Variants in ITGAM observed in about 807,000 individuals in gnomAD.
ITGAM encodes the protein integrin alpha-M.
ITGAM carries 79 observed loss-of-function variants against 137.5 expected under a neutral mutation model. The ratio of observed to expected loss-of-function variants is 0.57; its 90% CI spans 0.48 to 0.69. The LOEUF is 0.69. Among genes scored for constraint, ITGAM ranks in the 30% least tolerant of loss-of-function variants. ITGAM has a pLI of 0.00. For synonymous variants in ITGAM, 583 were observed against 592.3 expected (o/e 0.98, Z 0.23); for missense variants, 1,343 against 1,483.5 (o/e 0.91, Z 1.56).
At chr16:31,282,084 C>T (rs545730175) in intron 12 of ITGAM, among the ~76,000 whole-genome samples, 1 of 152,240 alleles carries the variant, frequency 6.6e-6, no homozygotes, top group Admixed American at 6.5e-5. Context: ...GTCCGAGAGA[C>T]AGTTTGTTAT....
Position 31,275,522 on chromosome 16 carries a change from GA to G in ITGAM, c.859-26del, listed in dbSNP as rs765417503. 158 of 1,612,138 alleles carry G rather than the reference GA, an allele frequency of 9.8e-5. 1 individual carries two copies. In the African/African-American group the frequency reaches 2.0e-3, roughly 21 times the overall value. ...GATGATATTGCTAGCCTCACACCAT[GA>G]TTTAGCCTCTGTTCCTTGGTAACAG... On this transcript the variant is annotated intron_variant, in intron 8 of 29. Coordinates refer to ENST00000544665, the MANE Select transcript of ITGAM (RefSeq NM_000632.4).
At chr16:31,295,622 T>TTA (rs1264037748) in intron 12 of ITGAM, among the ~76,000 whole-genome samples, 1 of 150,116 alleles carries the variant, frequency 6.7e-6, no homozygotes, top group Admixed American at 6.6e-5. Flanking sequence ...AAAAATATAT[T>TTA]TATATATATA....
At chr16:31,274,903 G>A (rs1596983214) in intron 8 of ITGAM, among the ~76,000 whole-genome samples, 1 of 152,208 alleles carries the variant, frequency 6.6e-6, no homozygotes, top group Admixed American at 6.5e-5. Flanking sequence ...ATAGGCATGA[G>A]CCACTGCACC....
intron 2 of ITGAM, among the ~76,000 whole-genome samples, chr16:31,262,425 C>T (rs1344139810): frequency 6.9e-6 from 1 of 145,324 alleles, no homozygotes; most frequent in Non-Finnish European, 1.5e-5. Context: ...TCCTTTCTGA[C>T]ATGGTCTTGT....
intron 2 of ITGAM, among the ~76,000 whole-genome samples, chr16:31,262,402 T>TC (rs2079715669): frequency 1.5e-5 from 2 of 131,830 alleles, no homozygotes; most frequent in Middle Eastern, 8.6e-3. Context: ...CTTCCTTCCT[T>TC]CATTTCTTTC....
intron 14 of ITGAM, among the ~76,000 whole-genome samples, chr16:31,319,851 C>T (rs2080430317): frequency 1.3e-5 from 2 of 150,916 alleles, no homozygotes; most frequent in Admixed American, 1.3e-4. Context: ...CTCATTCTGT[C>T]ACCCAGGCTG....
chr16:31,302,430 T>TTCTTC (rs2080210079), intron 14 of ITGAM, among the ~76,000 whole-genome samples: 2 of 98,786 alleles, frequency 2.0e-5, no homozygotes, highest in Non-Finnish European at 3.6e-5. Flanking sequence ...CTTTCTTTCT[T>TTCTTC]CTTTCTTTCT....
At chr16:31,302,013 T>C (rs1028474748) in intron 14 of ITGAM, among the ~76,000 whole-genome samples, 9 of 152,154 alleles carry the variant, frequency 5.9e-5, no homozygotes, top group Non-Finnish European at 1.3e-4. Context: ...GTTAACATAA[T>C]CAAAAATTAA....
At chr16:31,272,463 ATTTTTTTTTTTTTTTTTTTT>A (rs1157912736) in intron 7 of ITGAM, among the ~76,000 whole-genome samples, 7 of 10,882 alleles carry the variant, frequency 6.4e-4, no homozygotes, top group Admixed American at 2.4e-3. Context: ...ATATATATAT[ATTTTTTTTTTTTTTTTTTTT>A]TTTTTTTTTT....
At chr16:31,295,446 G>T (rs979268414) in intron 12 of ITGAM, among the ~76,000 whole-genome samples, 3 of 151,210 alleles carry the variant, frequency 2.0e-5, no homozygotes, top group Non-Finnish European at 4.4e-5. Flanking sequence ...TATTTTTTTT[G>T]ATGCTATTGT....
chr16:31,329,766 C>T (rs1283169088), intron 24 of ITGAM, 32 bp from the exon 25 acceptor site: 1 of 1,528,652 alleles, frequency 6.5e-7, no homozygotes, highest in Admixed American at 2.0e-5. Context: ...GGGAGGAAGG[C>T]CAGAGCCCTG....
At chr16:31,290,623 G>A (rs893144979) in intron 12 of ITGAM, among the ~76,000 whole-genome samples, 1 of 152,046 alleles carries the variant, frequency 6.6e-6, no homozygotes, top group Non-Finnish European at 1.5e-5. Context: ...ATCTCTACCA[G>A]GCATTATACT....
At chr16:31,276,587 C>T (rs916843773) in intron 9 of ITGAM, 84 bp from the exon 10 acceptor site, 5 of 920,360 alleles carry the variant, frequency 5.4e-6, no homozygotes, top group Admixed American at 4.2e-5. Flanking sequence ...CCATCTCAGG[C>T]TCTCAAAATG....
intron 5 of ITGAM, among the ~76,000 whole-genome samples, chr16:31,268,785 C>T (rs1201991113): frequency 2.6e-5 from 4 of 152,170 alleles, no homozygotes; most frequent in African/African-American, 7.2e-5. Context: ...CCCTGTAGTG[C>T]TGTTTCCATC....
intron 14 of ITGAM, among the ~76,000 whole-genome samples, chr16:31,304,656 C>T (rs1397932880): frequency 1.3e-5 from 2 of 152,126 alleles, no homozygotes; most frequent in African/African-American, 4.8e-5. Context: ...GAAGAAGATC[C>T]AGTTTCATTC....
At chr16:31,310,395 TTTTTATTC>T (rs1857480778) in intron 14 of ITGAM, among the ~76,000 whole-genome samples, 1 of 143,946 alleles carries the variant, frequency 6.9e-6, no homozygotes, top group African/African-American at 2.6e-5. Context: ...TGTTCATTTC[TTTTTATTC>T]TTTTTTCTCT....
chr16:31,288,284 T>G (rs1382472473), intron 12 of ITGAM, among the ~76,000 whole-genome samples: 1 of 152,114 alleles, frequency 6.6e-6, no homozygotes, highest in Non-Finnish European at 1.5e-5. Flanking sequence ...ATACCAATAT[T>G]GCAGAAATGG....
chr16:31,296,579 G>A (rs1046142878), intron 12 of ITGAM, among the ~76,000 whole-genome samples: 4 of 152,174 alleles, frequency 2.6e-5, no homozygotes, highest in Admixed American at 1.3e-4. Flanking sequence ...CCTCAATGGT[G>A]TATGAGGCAG....
At chr16:31,326,987 CCCCTGG>C in intron 22 of ITGAM, 52 bp downstream of exon 22, 1 of 1,366,114 alleles carries the variant, frequency 7.3e-7, no homozygotes, top group Non-Finnish European at 1.0e-6. Context: ...GACGCCCCAG[CCCCTGG>C]CCCATGGTGG....
Sources: allele counts gnomAD v4.1 joint callset (sites outside exome capture counted in the v4.1 genomes callset), GRCh38; gene constraint gnomAD v4.1.1; transcripts MANE v1.5; gene names NCBI Gene and HGNC (gene_info 2026-07-23, HGNC 2026-07-21).